TMEM74: variants seen among roughly 807,000 people sequenced by gnomAD.
TMEM74 encodes transmembrane protein 74.
A neutral mutation model predicts 18.1 loss-of-function variants in TMEM74; 13 were observed. The observed-to-expected ratio is 0.72, with a 90% confidence interval of 0.47 to 1.14. The LOEUF is 1.14. TMEM74 is among the 50% of genes most tolerant of loss of function. TMEM74 has a pLI of 0.00. For synonymous variants in TMEM74, 159 were observed against 146.6 expected (o/e 1.08, Z -0.61); for missense variants, 372 against 375.9 (o/e 0.99, Z 0.09).
At chr8:108,655,189 T>C (rs1361598899) in intron 2 of TMEM74, 1 of 152,184 alleles carries the variant, frequency 6.6e-6, no homozygotes, top group Non-Finnish European at 1.5e-5. Flanking sequence ...CCATTATAAA[T>C]GGCTTTCAGT....
intron 1 of TMEM74, among the ~76,000 whole-genome samples, chr8:108,747,735 C>A (rs1242969342): frequency 9.1e-6 from 1 of 109,968 alleles, no homozygotes; most frequent in Non-Finnish European, 1.8e-5. Context: ...CTCCAACAGA[C>A]CCCAGTGTCT....
chr8:108,622,738 G>A (rs1309638359), intron 2 of TMEM74, among the ~76,000 whole-genome samples: 1 of 152,040 alleles, frequency 6.6e-6, no homozygotes, highest in Non-Finnish European at 1.5e-5. Flanking sequence ...TTTGAAATGA[G>A]AGGATGGGAA....
chr8:108,616,280 G>A (rs1002377637), intron 2 of TMEM74, among the ~76,000 whole-genome samples: 2 of 152,132 alleles, frequency 1.3e-5, no homozygotes, highest in African/African-American at 2.4e-5. Context: ...TACTTCCTAC[G>A]TATTTGTTGC....
rs1422768357 is a variant in TMEM74, at chr8:108,661,989, T to C, written n.120-6552A>G. Among the ~76,000 whole-genome samples the C allele has an allele frequency of 2.0e-5, 3 of 152,292 alleles. No individual in the cohort carries two copies. The East Asian group carries it at 5.8e-4, about 29-fold the overall frequency. ...GCATTTACAATTTTCCATCTCTGAT[T>C]TTCTACGAAATGTGGATTTCAGAGA... On this transcript the variant is annotated intron_variant and non_coding_transcript_variant, in intron 1 of 3. Coordinates refer to the TMEM74 transcript ENST00000518838.
intron 2 of TMEM74, among the ~76,000 whole-genome samples, chr8:108,616,257 C>CA (rs1330331002): frequency 6.6e-6 from 1 of 152,142 alleles, no homozygotes; most frequent in Admixed American, 6.5e-5. Context: ...CACACCATAC[C>CA]ATTCCACACA....
intron 1 of TMEM74, among the ~76,000 whole-genome samples, chr8:108,766,106 G>T (rs1360491122): frequency 6.6e-6 from 1 of 152,092 alleles, no homozygotes; most frequent in Non-Finnish European, 1.5e-5. Context: ...CATCCAGCAG[G>T]ATTTTAAAAG....
At chr8:108,716,476 A>C (rs1813523959) in intron 1 of TMEM74, among the ~76,000 whole-genome samples, 1 of 152,080 alleles carries the variant, frequency 6.6e-6, no homozygotes, top group Admixed American at 6.5e-5. Context: ...TCACAGAGAA[A>C]ATTAATGTTA....
intron 1 of TMEM74, among the ~76,000 whole-genome samples, chr8:108,746,123 G>A (rs73309875): frequency 0.046 from 6,933 of 152,006 alleles, 398 homozygotes; most frequent in African/African-American, 0.14. Context: ...TCTGCGGCTC[G>A]TCCTGCTTCA....
At chr8:108,675,489 G>A (rs1437663407) in intron 1 of TMEM74, among the ~76,000 whole-genome samples, 2 of 152,084 alleles carry the variant, frequency 1.3e-5, no homozygotes, top group Admixed American at 6.6e-5. Flanking sequence ...TATGTCCATC[G>A]AATAAACAAT....
intron 1 of TMEM74, among the ~76,000 whole-genome samples, chr8:108,771,865 G>C (rs1302597457): frequency 1.3e-5 from 2 of 152,022 alleles, no homozygotes; most frequent in Non-Finnish European, 2.9e-5. Context: ...GAAGACTCCA[G>C]ATACATACTG....
intron 1 of TMEM74, among the ~76,000 whole-genome samples, chr8:108,756,892 T>C (rs1813981991): frequency 6.6e-6 from 1 of 152,018 alleles, no homozygotes; most frequent in African/African-American, 2.4e-5. Context: ...ACTGAGTCCA[T>C]ACACATTGCA....
intron 1 of TMEM74, among the ~76,000 whole-genome samples, chr8:108,690,601 G>A (rs1385778965): frequency 1.3e-5 from 2 of 151,910 alleles, no homozygotes; most frequent in Non-Finnish European, 1.5e-5. Flanking sequence ...AGATCACGAG[G>A]TCAGGAGATC....
chr8:108,615,438 CA>C (rs1812373392), intron 2 of TMEM74, among the ~76,000 whole-genome samples: 1 of 152,180 alleles, frequency 6.6e-6, no homozygotes, highest in South Asian at 2.1e-4. Flanking sequence ...CAGGAAGAAG[CA>C]GCTGAGGTTC....
chr8:108,608,103 A>T (rs904206320), intron 3 of TMEM74, among the ~76,000 whole-genome samples: 1 of 152,004 alleles, frequency 6.6e-6, no homozygotes, highest in African/African-American at 2.4e-5. Flanking sequence ...TGATTTCGAG[A>T]CCAGCCTGAC....
chr8:108,765,986 AG>A (rs1814102816), intron 1 of TMEM74, among the ~76,000 whole-genome samples: 1 of 152,162 alleles, frequency 6.6e-6, no homozygotes, highest in Non-Finnish European at 1.5e-5. Flanking sequence ...AAAAGCAAAA[AG>A]TATATCGGCA....
At position 108,684,896 on chromosome 8, in the gene TMEM74, C is replaced by T. The variant is rs150294654; in HGVS notation, n.120-29459G>A. ...TACCTCCAGCTTTGTTCTTTTTGCTCAAGATTGCTTTGTCTATTCAGGGTC... is the reference window on the plus strand; with the variant it reads ...TACCTCCAGCTTTGTTCTTTTTGCTTAAGATTGCTTTGTCTATTCAGGGTC... On this transcript the variant is annotated intron_variant and non_coding_transcript_variant, in intron 1 of 3. Transcript: ENST00000518838. Among the ~76,000 whole-genome samples, 1,038 of 151,834 alleles carry T rather than the reference C, an allele frequency of 6.8e-3. 10 individuals are homozygous for T. Among genetic ancestry groups the T allele is most frequent in the African/African-American group, 0.023 (957 of 41,444 alleles).
chr8:108,632,305 C>G (rs1249992745), intron 2 of TMEM74, among the ~76,000 whole-genome samples: 1 of 151,932 alleles, frequency 6.6e-6, no homozygotes, highest in Non-Finnish European at 1.5e-5. Flanking sequence ...GAAGAGGTAA[C>G]AACACTGTGG....
chr8:108,650,873 G>T (rs2130571052), intron 2 of TMEM74, among the ~76,000 whole-genome samples: 1 of 152,152 alleles, frequency 6.6e-6, no homozygotes, highest in East Asian at 1.9e-4. Flanking sequence ...ACCACACCCA[G>T]CTAATTTTTG....
chr8:108,734,626 T>C (rs560426687), intron 1 of TMEM74, among the ~76,000 whole-genome samples: 1 of 152,306 alleles, frequency 6.6e-6, no homozygotes, highest in Admixed American at 6.5e-5. Flanking sequence ...TCCTTTCTGC[T>C]AAGTTTTTTA....
Sources: gnomAD v4.1 joint callset for allele counts (sites outside exome capture counted in the v4.1 genomes callset) on GRCh38, gnomAD v4.1.1 for gene constraint, MANE v1.5 for transcripts, NCBI Gene and HGNC (gene_info 2026-07-23, HGNC 2026-07-21) for gene names.